The following TRAK2 variants were observed in gnomAD, a reference collection of about 807,000 sequenced individuals.
TRAK2 encodes the protein trafficking kinesin-binding protein 2.
In TRAK2, 81 loss-of-function variants were observed where a neutral mutation model predicts 104.6. The ratio of observed to expected loss-of-function variants is 0.77; its 90% CI spans 0.65 to 0.93. The LOEUF (loss-of-function observed/expected upper bound fraction) is 0.93, where lower values mean the gene tolerates loss of function less well. TRAK2 is among the 40% of genes least tolerant of loss of function. The pLI is 0.00. For missense variants in TRAK2, 1,002 were observed against 1,089.0 expected, an observed-to-expected ratio of 0.92 and a Z score of 1.12; for synonymous variants, 406 against 394.4, an observed-to-expected ratio of 1.03 and a Z score of -0.35.
chr2:201,388,106 A>T (rs1391822785), intron 12 of TRAK2, 105 bp from the exon 13 acceptor site: 9 of 1,235,052 alleles, frequency 7.3e-6, no homozygotes, highest in Non-Finnish European at 1.1e-5. Context: ...TATTAAAAAC[A>T]TGATATTTTC....
At position 201,389,863 on chromosome 2, in the gene TRAK2, C is replaced by T. The variant is rs893210550; in HGVS notation, c.1131G>A (p.Glu377=). Residue 377 remains glutamate, a synonymous_variant, in exon 11 of 16, where the codon GAG becomes GAA. Coordinates refer to ENST00000332624, the MANE Select transcript of TRAK2 (RefSeq NM_015049.3). Reference sequence around the variant, plus strand: ...GCTTTTTACGCATAGTCCCCTCAATCTCAGCTGCCAAAGATTCCTAAGAAA... The same window carrying T: ...GCTTTTTACGCATAGTCCCCTCAATTTCAGCTGCCAAAGATTCCTAAGAAA... ...GAFTGESLAA[E]IEGTMRKKLS... 1.2e-6 allele frequency: 2 copies of T among 1,612,942 alleles called. No individual in the cohort carries two copies. Among genetic ancestry groups the T allele is most frequent in the Non-Finnish European group, 1.7e-6 (2 of 1,179,668 alleles).
chr2:201,432,020 C>T (rs1197974987), intron 1 of TRAK2, among the ~76,000 whole-genome samples: 1 of 152,158 alleles, frequency 6.6e-6, no homozygotes, highest in Non-Finnish European at 1.5e-5. Context: ...ATAGTAAATG[C>T]TATGCAAGTA....
intron 2 of TRAK2, chr2:201,412,432 A>T (rs182061932): frequency 2.0e-5 from 25 of 1,257,652 alleles, no homozygotes; most frequent in Non-Finnish European, 2.9e-5. Context: ...AGGTATATTT[A>T]TAAGTGAACT....
chr2:201,380,555 C>T lies in TRAK2; in HGVS notation c.2733G>A (p.Leu911=). The T allele has an allele frequency of 6.2e-7, 1 of 1,613,598 alleles. No individual in the cohort carries two copies. Among genetic ancestry groups the T allele is most frequent in the Non-Finnish European group, 8.5e-7 (1 of 1,179,730 alleles). ...TAACTGCTGAACCTCAGTCCTCCTT[C>T]AGGACACCCATTTTGGGTGAGGATG... ...VCTSSPKMGV[L]KED The change falls in exon 16 of 16, where the codon CTG becomes CTA. Residue 911 remains leucine (L), a synonymous_variant. Coordinates refer to ENST00000332624, the MANE Select transcript of TRAK2 (RefSeq NM_015049.3).
intron 1 of TRAK2, among the ~76,000 whole-genome samples, chr2:201,448,803 C>T (rs1951985954): frequency 6.6e-6 from 1 of 152,118 alleles, no homozygotes; most frequent in Admixed American, 6.5e-5. Context: ...GCAGTGGTGC[C>T]ATCATCGCTC....
chr2:201,445,129 A>G (rs909807863), intron 1 of TRAK2, among the ~76,000 whole-genome samples: 1 of 152,158 alleles, frequency 6.6e-6, no homozygotes, highest in Non-Finnish European at 1.5e-5. Context: ...TTGTACGCTC[A>G]TTTTCTAGCA....
chr2:201,439,917 C>T (rs1313886816), intron 1 of TRAK2, among the ~76,000 whole-genome samples: 3 of 120,244 alleles, frequency 2.5e-5, no homozygotes, highest in Non-Finnish European at 4.9e-5. Flanking sequence ...GGGAACATCA[C>T]ACTCTGGGGA....
At chr2:201,441,386 A>T (rs1951918801) in intron 1 of TRAK2, among the ~76,000 whole-genome samples, 1 of 152,244 alleles carries the variant, frequency 6.6e-6, no homozygotes, top group East Asian at 1.9e-4. Flanking sequence ...CTGATCATGA[A>T]TGCATTTAAA....
chr2:201,398,399 T>G (rs1308692531), intron 5 of TRAK2, 45 bp from the exon 6 acceptor site: 1 of 1,523,396 alleles, frequency 6.6e-7, no homozygotes, highest in Non-Finnish European at 9.0e-7. Flanking sequence ...TATTTTGCAT[T>G]ATTTATAGCA....
At position 201,380,892 on chromosome 2, in the gene TRAK2, G is replaced by A; in HGVS notation, c.2396C>T (p.Ser799Phe). ...PLPFEPRVHLSENFLASRPAE... is the reference protein window; with the variant it reads ...PLPFEPRVHLFENFLASRPAE... The stretch of plus-strand genomic sequence containing the variant: ...TGGTCGAGAGGCCAAAAAATTTTCA[G>A]AGAGATGCACTCGAGGCTCAAAGGG... Residue 799 changes from serine to phenylalanine, a missense_variant, in exon 16 of 16, where the codon TCT (serine) becomes TTT (phenylalanine). Ser to Phe is a radical substitution (Grantham distance 155, BLOSUM62 -2). Coordinates refer to ENST00000332624, the MANE Select transcript of TRAK2 (RefSeq NM_015049.3). 1.2e-6 allele frequency: 2 copies of A among 1,614,114 alleles called. No homozygotes were observed. The highest frequency in any genetic ancestry group is 1.7e-6 in the Non-Finnish European group (2 of 1,180,004).
intron 14 of TRAK2, among the ~76,000 whole-genome samples, chr2:201,385,677 G>C (rs921553538): frequency 2.0e-5 from 3 of 152,102 alleles, no homozygotes; most frequent in Non-Finnish European, 4.4e-5. Flanking sequence ...CCTTCATATT[G>C]TTCAACTGAA....
intron 1 of TRAK2, among the ~76,000 whole-genome samples, chr2:201,424,573 T>G (rs569515840): frequency 6.6e-6 from 1 of 151,842 alleles, no homozygotes; most frequent in African/African-American, 2.4e-5. Context: ...AAATTTGGCT[T>G]GCCACCTGTT....
rs1030097366 is a variant in TRAK2, at chr2:201,447,089, G to A, written c.-200+4261C>T. ...TAGCTACCTTGGTTACCTTGTCTCC[G>A]GTCTTATTACCTTTCATTTATCCTT... On this transcript the variant is annotated intron_variant, in intron 1 of 15. Transcript: ENST00000332624. This position sits in a 1 kb window ranked among gnomAD's most constrained non-coding sequence, Gnocchi z 4.1. Among the ~76,000 whole-genome samples, 1 of 152,132 alleles carries A rather than the reference G, an allele frequency of 6.6e-6. No homozygotes were observed. The highest frequency in any genetic ancestry group is 1.5e-5 in the Non-Finnish European group (1 of 68,010).
At chr2:201,428,583 A>C (rs1951811276) in intron 1 of TRAK2, among the ~76,000 whole-genome samples, 1 of 152,322 alleles carries the variant, frequency 6.6e-6, no homozygotes, top group East Asian at 1.9e-4. Flanking sequence ...TTTGTAATAT[A>C]GTTTGAAGTC....
chr2:201,418,717 G>C (rs1278610636), intron 2 of TRAK2, among the ~76,000 whole-genome samples: 1 of 152,012 alleles, frequency 6.6e-6, no homozygotes, highest in Non-Finnish European at 1.5e-5. Flanking sequence ...CAATTGGAAA[G>C]CAAAAAACAA....
At chr2:201,419,036 T>C (rs1951717086) in intron 2 of TRAK2, among the ~76,000 whole-genome samples, 1 of 152,218 alleles carries the variant, frequency 6.6e-6, no homozygotes, top group East Asian at 1.9e-4. Flanking sequence ...AATAGTAAGA[T>C]AAATTTTTAA....
chr2:201,449,322 A>G (rs971200760), intron 1 of TRAK2, among the ~76,000 whole-genome samples: 1 of 152,164 alleles, frequency 6.6e-6, no homozygotes, highest in Non-Finnish European at 1.5e-5. Context: ...GTGACTTGGA[A>G]GCAAGGCAGA....
intron 2 of TRAK2, among the ~76,000 whole-genome samples, chr2:201,418,029 G>A (rs1951708391): frequency 6.6e-6 from 1 of 152,120 alleles, no homozygotes; most frequent in Admixed American, 6.6e-5. Flanking sequence ...TAAAATACTG[G>A]TAAGAGAAAT....
At chr2:201,424,708 T>C (rs561299836) in intron 1 of TRAK2, among the ~76,000 whole-genome samples, 2 of 152,068 alleles carry the variant, frequency 1.3e-5, no homozygotes, top group East Asian at 3.9e-4. Flanking sequence ...GTTCACGCCA[T>C]TCTCCTGCCT....
Sources: allele counts gnomAD v4.1 joint callset (sites outside exome capture counted in the v4.1 genomes callset), GRCh38; gene constraint gnomAD v4.1.1; non-coding constraint Gnocchi (gnomAD v3.1); transcripts MANE v1.5; gene names NCBI Gene and HGNC (gene_info 2026-07-23, HGNC 2026-07-21).